CAPN15: variants seen among roughly 807,000 people sequenced by gnomAD.
CAPN15 encodes the protein calpain-15.
In CAPN15, 53 loss-of-function variants were observed where a neutral mutation model predicts 97.9. The ratio of observed to expected loss-of-function variants is 0.54; its 90% CI spans 0.43 to 0.68. The LOEUF (loss-of-function observed/expected upper bound fraction) is 0.68. Among genes scored for constraint, CAPN15 ranks in the 30% least tolerant of loss-of-function variants. CAPN15 has a pLI of 0.00. For synonymous variants in CAPN15, 922 were observed against 722.5 expected (o/e 1.28, Z -4.43); for missense variants, 1,592 against 1,589.8 (o/e 1.00, Z -0.02).
intron 9 of CAPN15, 173 bp downstream of exon 9, chr16:551,837 C>G (rs983362071): frequency 2.9e-6 from 3 of 1,021,636 alleles, no homozygotes; most frequent in Non-Finnish European, 4.5e-6. Flanking sequence ...TCAGGTCCAC[C>G]CAGGTCAGCA....
chr16:528,679 C>T (rs1003673720), intron 1 of CAPN15: 9 of 982,550 alleles, frequency 9.2e-6, no homozygotes, highest in Non-Finnish European at 1.1e-5. Flanking sequence ...GGCGAGCTCT[C>T]GGGGCCCCCT....
At chr16:551,185 G>T in intron 7 of CAPN15, 117 bp from the exon 8 acceptor site, 2 of 1,466,278 alleles carry the variant, frequency 1.4e-6, no homozygotes, top group Non-Finnish European at 1.8e-6. Context: ...GGTCGGTGAG[G>T]GCCCCGGTCG....
chr16:553,062 C>CGCTGCA, intron 13 of CAPN15, 21 bp downstream of exon 13: 4 of 1,202,346 alleles, frequency 3.3e-6, no homozygotes, highest in Non-Finnish European at 4.4e-6. Flanking sequence ...GCCCCTGCCC[C>CGCTGCA]CCCACCCCTG....
Position 553,881 on chromosome 16 carries a change from A to C in CAPN15, c.*365A>C. ...GCCAGGAGCTCTGTCCGCAAAACCAAATCTGGGTGTCAGAGGCCAAGACCC... is the reference window on the plus strand; with the variant it reads ...GCCAGGAGCTCTGTCCGCAAAACCACATCTGGGTGTCAGAGGCCAAGACCC... On this transcript the variant is annotated 3_prime_UTR_variant, in exon 14 of 14. Transcript: ENST00000219611. 16 of 196,820 alleles carry C rather than the reference A, an allele frequency of 8.1e-5. No individual in the cohort carries two copies. The highest frequency in any genetic ancestry group is 1.3e-4 in the East Asian group (1 of 7,682). 12.2% of individuals were successfully genotyped at this position (196,820 alleles called of 1,614,324 possible). A position where few individuals can be genotyped will look rare whatever the true frequency, so the allele number is the denominator to read the frequency against.
intron 3 of CAPN15, among the ~76,000 whole-genome samples, chr16:543,578 G>A (rs996757412): frequency 1.2e-4 from 19 of 152,278 alleles, no homozygotes; most frequent in South Asian, 8.3e-4. Context: ...GCCCGTGCCC[G>A]CTGCTGTGGG....
chr16:532,740 C>G (rs1232066568), intron 1 of CAPN15, among the ~76,000 whole-genome samples: 3 of 150,966 alleles, frequency 2.0e-5, no homozygotes, highest in African/African-American at 7.3e-5. Context: ...GTAGTCCCAG[C>G]TACTCGGGAG....
At chr16:546,706 GC>G (rs2034608508) in intron 3 of CAPN15, 110 bp from the exon 4 acceptor site, 2 of 1,380,878 alleles carry the variant, frequency 1.4e-6, no homozygotes, top group Non-Finnish European at 9.6e-7. Flanking sequence ...TAGGCCCTCG[GC>G]CCCGTAGCTC....
In CAPN15 at chr16:535,925, G is replaced by A. The variant is rs1298539575; in HGVS notation, c.-136-104G>A. 3 of 202,872 alleles carry A rather than the reference G, an allele frequency of 1.5e-5. No homozygotes were observed. The highest frequency in any genetic ancestry group is 1.9e-4 in the East Asian group (1 of 5,340). 12.6% of individuals were successfully genotyped at this position (202,872 alleles called of 1,614,324 possible). A position where few individuals can be genotyped will look rare whatever the true frequency, so the allele number is the denominator to read the frequency against. On this transcript the variant is annotated intron_variant, in intron 2 of 13. Transcript: ENST00000219611. The surrounding 1 kb of genome is among the most constrained non-coding windows in gnomAD (Gnocchi z 6.2). ...TCCCTGGGGTCAGGGGTCAGAGTTC[G>A]GCATGCTCTGCGGGGGCCTCACCCT...
At chr16:545,912 C>T (rs1163081575) in intron 3 of CAPN15, among the ~76,000 whole-genome samples, 2 of 152,226 alleles carry the variant, frequency 1.3e-5, no homozygotes, top group African/African-American at 2.4e-5. Flanking sequence ...GCCGGGAGCC[C>T]GCCGGCCACA....
Position 552,343 on chromosome 16 carries a change from C to T in CAPN15, c.2550C>T (p.Ile850=), listed in dbSNP as rs2035150624. The change falls in exon 11 of 14, where the codon ATC becomes ATT. Residue 850 remains isoleucine (I), a synonymous_variant. Coordinates refer to ENST00000219611, the MANE Select transcript of CAPN15 (RefSeq NM_005632.3). The surrounding 1 kb of genome is among the most constrained non-coding windows in gnomAD (Gnocchi z 6.4). ...AVDSHLLDLC[I]LVFRATFGSG... ...ACAGCCACCTGCTGGACCTGTGCAT[C>T]CTGGTGTTCCGGGCCACGTTCGGCA... 2 of 1,591,342 alleles carry T rather than the reference C, an allele frequency of 1.3e-6. No homozygotes were observed. The highest frequency in any genetic ancestry group is 1.3e-5 in the African/African-American group (1 of 74,622).
intron 3 of CAPN15, among the ~76,000 whole-genome samples, chr16:545,280 T>G (rs1264272719): frequency 6.7e-6 from 1 of 149,068 alleles, no homozygotes; most frequent in Non-Finnish European, 1.5e-5. Flanking sequence ...TGGGGGGTTG[T>G]GGAGACCAGA....
chr16:548,356 G>A, intron 4 of CAPN15, 69 bp downstream of exon 4: 7 of 1,387,118 alleles, frequency 5.0e-6, no homozygotes, highest in Non-Finnish European at 6.6e-6. Context: ...CCTAGGCTTT[G>A]GGCTCTGGCG....
Position 546,924 on chromosome 16 carries a change from C to G in CAPN15, c.86C>G (p.Pro29Arg). 1 of 1,611,124 alleles carries G rather than the reference C, an allele frequency of 6.2e-7. No homozygotes were observed. The highest frequency in any genetic ancestry group is 8.5e-7 in the Non-Finnish European group (1 of 1,179,892). ...CGCCAGTGCTCCATCTGCGAGGCTC[C>G]CCGGCACAAGCCCGACCTCAACCAC... ...GQRQCSICEA[P>R]RHKPDLNHIL... Residue 29 changes from proline (P) to arginine (R), a missense_variant, in exon 4 of 14, where the codon CCC (proline) becomes CGC (arginine). Physicochemically the swap from Pro to Arg is moderately radical, Grantham distance 103. Around this residue, in one of 3 missense-constraint regions of CAPN15, gnomAD observed 883 missense variants for 776.6 expected, o/e 1.14. Transcript: ENST00000219611.
chr16:537,240 T>C, intron 3 of CAPN15: 1 of 985,508 alleles, frequency 1.0e-6, no homozygotes, highest in Non-Finnish European at 1.2e-6. Flanking sequence ...GTCAGTTGCC[T>C]GAGACTGGCT....
rs776067624 is a variant in CAPN15, at chr16:552,567, C to T, written c.2737+37C>T. The T allele has an allele frequency of 1.9e-6, 3 of 1,566,716 alleles. No homozygotes were observed. The highest frequency in any genetic ancestry group is 8.6e-7 in the Non-Finnish European group (1 of 1,159,656). On this transcript the variant is annotated intron_variant, in intron 11 of 13. Coordinates refer to ENST00000219611, the MANE Select transcript of CAPN15 (RefSeq NM_005632.3). The surrounding 1 kb of genome is among the most constrained non-coding windows in gnomAD (Gnocchi z 6.4). Reference sequence around the variant, plus strand: ...CTACCCCAGGCTCATGCCCCAGGCCCACGGGGAGGGCTGCGGTTCACACGC... The same window carrying T: ...CTACCCCAGGCTCATGCCCCAGGCCTACGGGGAGGGCTGCGGTTCACACGC...
intron 3 of CAPN15, among the ~76,000 whole-genome samples, chr16:545,850 G>GACGCCTGGGCTGTGCCGC (rs1567147462): frequency 6.6e-6 from 1 of 152,244 alleles, no homozygotes; most frequent in Non-Finnish European, 1.5e-5. Flanking sequence ...GCCCAGGCCG[G>GACGCCTGGGCTGTGCCGC]ACGCCTGGGC....
rs144075530 is a variant in CAPN15 at position 551,653 on chromosome 16, C to T, written c.2334C>T (p.Gly778=). 6.5e-4 allele frequency: 1,037 copies of T among 1,592,824 alleles called. 3 individuals are homozygous for T. In the African/African-American group the frequency reaches 9.0e-3, roughly 14 times the overall value. Residue 778 remains glycine (G), a synonymous_variant, in exon 9 of 14, where the codon GGC becomes GGT. Coordinates refer to ENST00000219611, the MANE Select transcript of CAPN15 (RefSeq NM_005632.3). ...AGGGTGTCTTCTGGATGGAGTACGGCGACTTTGTCAGGTATCGGCACCGTG... is the reference window on the plus strand; with the variant it reads ...AGGGTGTCTTCTGGATGGAGTACGGTGACTTTGTCAGGTATCGGCACCGTG... ...SSEGVFWMEY[G]DFVRYFDSVD...
intron 3 of CAPN15, among the ~76,000 whole-genome samples, 155 bp downstream of exon 3, chr16:536,297 G>T (rs1366011578): frequency 1.3e-5 from 2 of 152,208 alleles, no homozygotes; most frequent in African/African-American, 4.8e-5. Context: ...CGCTGTCCCT[G>T]GGGGTGGCTG....
At position 553,694 on chromosome 16, in the gene CAPN15, A is replaced by C; in HGVS notation, c.*178A>C. On this transcript the variant is annotated 3_prime_UTR_variant, in exon 14 of 14. Transcript: ENST00000219611. ...CCGCCCCCCTCCTTCCCCTCCCTGA[A>C]CCCCACAGTCCGCCTGGCCAGGCCT... is the stretch of plus-strand genomic sequence containing the variant. The C allele has an allele frequency of 4.1e-6, 2 of 490,116 alleles. No individual in the cohort carries two copies. Among genetic ancestry groups the C allele is most frequent in the Non-Finnish European group, 3.6e-6 (1 of 277,784 alleles). 30.4% of individuals were successfully genotyped at this position (490,116 alleles called of 1,614,324 possible). A position where few individuals can be genotyped will look rare whatever the true frequency, so the allele number is the denominator to read the frequency against.
Sources: gnomAD v4.1 joint callset for allele counts (sites outside exome capture counted in the v4.1 genomes callset) on GRCh38, gnomAD v4.1.1 for gene constraint, gnomAD v4.1.1 regional missense constraint, Gnocchi (gnomAD v3.1) non-coding constraint, MANE v1.5 for transcripts, NCBI Gene and HGNC (gene_info 2026-07-23, HGNC 2026-07-21) for gene names.